The following ST6GALNAC3 variants were observed in gnomAD, a reference collection of about 807,000 sequenced individuals.
The protein encoded by ST6GALNAC3 is alpha-N-acetylgalactosaminide alpha-2,6-sialyltransferase 3.
ST6GALNAC3 carries 25 observed loss-of-function variants against 32.7 expected under a neutral mutation model. The observed-to-expected ratio is 0.76, with a 90% confidence interval of 0.56 to 1.07. The LOEUF is 1.07. Among genes scored for constraint, ST6GALNAC3 ranks in the 50% least tolerant of loss-of-function variants. ST6GALNAC3 has a pLI of 0.00. For synonymous variants in ST6GALNAC3, 129 were observed against 133.1 expected, an observed-to-expected ratio of 0.97 and a Z score of 0.21; for missense variants, 355 against 382.4, an observed-to-expected ratio of 0.93 and a Z score of 0.60.
chr1:76,519,010 G>A (rs967188565), intron 3 of ST6GALNAC3, among the ~76,000 whole-genome samples: 1 of 152,100 alleles, frequency 6.6e-6, no homozygotes, highest in Non-Finnish European at 1.5e-5. Flanking sequence ...AGGTTGCAGT[G>A]AGCCAAGATC....
chr1:76,531,290 G>A (rs1663237666), intron 3 of ST6GALNAC3, among the ~76,000 whole-genome samples: 2 of 152,124 alleles, frequency 1.3e-5, no homozygotes, highest in African/African-American at 2.4e-5. Flanking sequence ...TGTAAATATG[G>A]AATAACTTCT....
chr1:76,153,550 A>G (rs555398602), intron 1 of ST6GALNAC3, among the ~76,000 whole-genome samples: 5 of 152,260 alleles, frequency 3.3e-5, no homozygotes, highest in African/African-American at 1.2e-4. Flanking sequence ...GGGGATTTCA[A>G]GCATGGCTAT....
At chr1:76,601,040 A>T (rs1197271939) in intron 3 of ST6GALNAC3, among the ~76,000 whole-genome samples, 1 of 152,140 alleles carries the variant, frequency 6.6e-6, no homozygotes, top group East Asian at 1.9e-4. Flanking sequence ...AAATAAATAA[A>T]TACAAAAATT....
chr1:76,370,656 G>A (rs888939344), intron 2 of ST6GALNAC3, among the ~76,000 whole-genome samples: 2 of 152,086 alleles, frequency 1.3e-5, no homozygotes, highest in Non-Finnish European at 2.9e-5. Context: ...TGGGTAAGAT[G>A]AACCATCACT....
intron 2 of ST6GALNAC3, among the ~76,000 whole-genome samples, chr1:76,406,598 T>C (rs1175432810): frequency 1.3e-5 from 2 of 152,016 alleles, no homozygotes; most frequent in African/African-American, 4.8e-5. Flanking sequence ...GGAATAGTGG[T>C]GAAGTTATTG....
chr1:76,515,129 C>G (rs1300863796), intron 3 of ST6GALNAC3, among the ~76,000 whole-genome samples: 1 of 152,112 alleles, frequency 6.6e-6, no homozygotes, highest in Non-Finnish European at 1.5e-5. Context: ...AGCAGTGAAG[C>G]CATCAGGCTG....
chr1:76,314,059 A>C (rs1646821404), intron 2 of ST6GALNAC3, 60 bp downstream of exon 2: 2 of 1,514,050 alleles, frequency 1.3e-6, no homozygotes, highest in Admixed American at 2.0e-5. Context: ...GCTTTTCTTT[A>C]GGAGCCAGAG....
At chr1:76,334,242 ATGATAT>A in intron 2 of ST6GALNAC3, among the ~76,000 whole-genome samples, 1 of 152,224 alleles carries the variant, frequency 6.6e-6, no homozygotes, top group Non-Finnish European at 1.5e-5. Flanking sequence ...TACACCACTT[ATGATAT>A]TCTAAACTTG....
intron 1 of ST6GALNAC3, among the ~76,000 whole-genome samples, chr1:76,156,942 A>G (rs554380566): frequency 2.3e-4 from 35 of 152,320 alleles, no homozygotes; most frequent in Admixed American, 1.1e-3. Flanking sequence ...CGTGTTAGCC[A>G]GGATGGTCTC....
intron 3 of ST6GALNAC3, among the ~76,000 whole-genome samples, chr1:76,473,569 A>T (rs1166288561): frequency 2.0e-5 from 3 of 152,168 alleles, no homozygotes; most frequent in African/African-American, 7.2e-5. Flanking sequence ...TCAGAGTTGA[A>T]TTATATCCTG....
chr1:76,546,901 A>G (rs1664332442), intron 3 of ST6GALNAC3, among the ~76,000 whole-genome samples: 1 of 152,234 alleles, frequency 6.6e-6, no homozygotes, highest in African/African-American at 2.4e-5. Context: ...TTGGAAGTGC[A>G]GAGAATAGCA....
At chr1:76,316,548 A>AT (rs1011474715) in intron 2 of ST6GALNAC3, among the ~76,000 whole-genome samples, 6 of 152,172 alleles carry the variant, frequency 3.9e-5, no homozygotes, top group African/African-American at 1.2e-4. Flanking sequence ...AAACTAAATA[A>AT]TGTTGCTTAG....
intron 3 of ST6GALNAC3, among the ~76,000 whole-genome samples, chr1:76,474,921 C>A (rs535849745): frequency 6.6e-6 from 1 of 152,142 alleles, no homozygotes; most frequent in Non-Finnish European, 1.5e-5. Flanking sequence ...CTAAAATTAT[C>A]GTCATTCAAG....
chr1:76,364,740 T>A lies in ST6GALNAC3; in HGVS notation c.214-47268T>A, dbSNP rs189976083. On this transcript the variant is annotated intron_variant, in intron 2 of 4. Coordinates refer to ENST00000328299, the MANE Select transcript of ST6GALNAC3 (RefSeq NM_152996.4). The stretch of plus-strand genomic sequence containing the variant: ...GAAACATATGAAAAAATGCTCAATA[T>A]CACTAATTATGAGAGAAATGTAAAC... Among the ~76,000 whole-genome samples, 55 of 151,986 alleles carry A rather than the reference T, an allele frequency of 3.6e-4. No homozygotes were observed. In the East Asian group the frequency reaches 0.011, roughly 29 times the overall value.
intron 3 of ST6GALNAC3, among the ~76,000 whole-genome samples, chr1:76,473,465 C>A (rs972071942): frequency 6.6e-6 from 1 of 152,066 alleles, no homozygotes; most frequent in Admixed American, 6.6e-5. Context: ...ATTTTTACCA[C>A]AAATAAATGA....
chr1:76,601,263 C>T (rs1647226224), intron 3 of ST6GALNAC3, among the ~76,000 whole-genome samples: 3 of 152,126 alleles, frequency 2.0e-5, no homozygotes, highest in Middle Eastern at 3.4e-3. Flanking sequence ...AAATAGCAAA[C>T]TAAATTTCAC....
intron 3 of ST6GALNAC3, among the ~76,000 whole-genome samples, chr1:76,596,180 A>T (rs1004162720): frequency 6.6e-6 from 1 of 152,026 alleles, no homozygotes; most frequent in Admixed American, 6.6e-5. Flanking sequence ...AAACTCTTCG[A>T]CCTCCTGCTT....
At chr1:76,286,355 A>C (rs1475877511) in intron 1 of ST6GALNAC3, among the ~76,000 whole-genome samples, 1 of 152,188 alleles carries the variant, frequency 6.6e-6, no homozygotes, top group Non-Finnish European at 1.5e-5. Context: ...TATACCCAGT[A>C]ATGATGTGTT....
Position 76,412,155 on chromosome 1 carries a change from C to T in ST6GALNAC3, c.361C>T (p.Arg121Cys), listed in dbSNP as rs781486072. The T allele has an allele frequency of 2.5e-5, 41 of 1,613,636 alleles. No individual in the cohort carries two copies. The highest frequency in any genetic ancestry group is 1.7e-4 in the Middle Eastern group (1 of 6,060). ...CAAAGGTTATGAAGAAGATGTCGGCCGCATGACCATGATTCGAGTTGTGTC... is the reference window on the plus strand; with the variant it reads ...CAAAGGTTATGAAGAAGATGTCGGCTGCATGACCATGATTCGAGTTGTGTC... ...PTKGYEEDVG[R>C]MTMIRVVSHT... Residue 121 changes from arginine (R) to cysteine (C), a missense_variant, in exon 3 of 5, where the codon CGC (arginine) becomes TGC (cysteine). Coordinates refer to ENST00000328299, the MANE Select transcript of ST6GALNAC3 (RefSeq NM_152996.4).
Sources: allele counts gnomAD v4.1 joint callset (sites outside exome capture counted in the v4.1 genomes callset), GRCh38; gene constraint gnomAD v4.1.1; transcripts MANE v1.5; gene names NCBI Gene and HGNC (gene_info 2026-07-23, HGNC 2026-07-21).